The following COL15A1 variants were observed in gnomAD, a reference collection of about 807,000 sequenced individuals.
The protein encoded by COL15A1 is collagen alpha-1(XV) chain.
COL15A1 carries 111 observed loss-of-function variants against 165.9 expected under a neutral mutation model. The observed-to-expected ratio is 0.67, with a 90% CI of 0.57 to 0.78. The LOEUF (loss-of-function observed/expected upper bound fraction) is 0.78, where lower values mean the gene tolerates loss of function less well. Among genes scored for constraint, COL15A1 ranks in the 30% least tolerant of loss-of-function variants. The pLI is 0.00. For missense variants in COL15A1, 1,745 were observed against 1,789.7 expected, an observed-to-expected ratio of 0.98 and a Z score of 0.45; for synonymous variants, 659 against 674.8, an observed-to-expected ratio of 0.98 and a Z score of 0.36.
chr9:99,023,265 A>T, intron 13 of COL15A1, 92 bp from the exon 14 acceptor site: 1 of 1,455,392 alleles, frequency 6.9e-7, no homozygotes, highest in South Asian at 1.4e-5. Flanking sequence ...GATATAGGAA[A>T]CATTTCCCCA....
chr9:99,048,096 G>A, intron 28 of COL15A1, 96 bp downstream of exon 28: 2 of 762,254 alleles, frequency 2.6e-6, no homozygotes, highest in Non-Finnish European at 4.7e-6. Context: ...GAATGTTCAG[G>A]AATGTTGTTC....
Position 99,035,497 on chromosome 9 carries a change from G to A in COL15A1, c.2289+79G>A, listed in dbSNP as rs575213115. 90 of 1,576,356 alleles carry A rather than the reference G, an allele frequency of 5.7e-5. 1 individual carries two copies. In the Middle Eastern group the frequency reaches 6.8e-3, roughly 120 times the overall value. On this transcript the variant is annotated intron_variant, in intron 19 of 41. Coordinates refer to ENST00000375001, the MANE Select transcript of COL15A1 (RefSeq NM_001855.5). ...GTGAGGAAGCTGTGGGCTGCATCCC[G>A]GCTCTGCCACTTTCAATAACTCACC...
intron 2 of COL15A1, among the ~76,000 whole-genome samples, chr9:98,970,543 A>G (rs1307399908): frequency 6.6e-6 from 1 of 152,236 alleles, no homozygotes; most frequent in Non-Finnish European, 1.5e-5. Flanking sequence ...ATCTGCCCCT[A>G]CAACACCCCA....
chr9:98,963,069 A>T (rs1837887913), intron 2 of COL15A1, among the ~76,000 whole-genome samples: 1 of 152,216 alleles, frequency 6.6e-6, no homozygotes, highest in Admixed American at 6.5e-5. Context: ...GTGGAATGTG[A>T]AGAATGCTGT....
At chr9:98,991,159 T>G (rs1285683944) in intron 5 of COL15A1, among the ~76,000 whole-genome samples, 1 of 152,206 alleles carries the variant, frequency 6.6e-6, no homozygotes, top group East Asian at 1.9e-4. Flanking sequence ...ACAGCGATAT[T>G]TATTGCAAAG....
In COL15A1 at chr9:99,013,974, GT is replaced by G. The variant is rs150143403; in HGVS notation, c.1354-1434del. On this transcript the variant is annotated intron_variant, in intron 9 of 41. Transcript: ENST00000375001. ...CAAGGATAGCAAACGTGCATGTTGT[GT>G]TTTTTTTTCCCCTCTCTTGCAGCTG... Among the ~76,000 whole-genome samples, 480 of 150,434 alleles carry G rather than the reference GT, an allele frequency of 3.2e-3. 4 individuals are homozygous for G. Among genetic ancestry groups the G allele is most frequent in the East Asian group, 0.028 (140 of 5,080 alleles).
chr9:99,044,769 T>A lies in COL15A1; in HGVS notation c.2678T>A (p.Met893Lys), dbSNP rs574466954. The change falls in exon 26 of 42, where the codon ATG becomes AAG. Residue 893 changes from methionine (M) to lysine (K), a missense_variant and splice_region_variant. Physicochemically the swap from Met to Lys is moderately conservative, Grantham distance 95 (BLOSUM62 -1). Transcript: ENST00000375001. ...GGAATGCATGGAGCCCCAGGACCAA[T>A]GGTAAGTCAGAGCGTCTCTCAGCTG... is the stretch of plus-strand genomic sequence containing the variant. ...EPGMHGAPGPMGPKGPPGHKG... is the reference protein window; with the variant it reads ...EPGMHGAPGPKGPKGPPGHKG... The A allele has an allele frequency of 4.3e-6, 7 of 1,613,326 alleles. No individual in the cohort carries two copies. In the African/African-American group the frequency reaches 8.0e-5, roughly 18 times the overall value.
In COL15A1 at chr9:98,950,196, T is replaced by C. The variant is rs185090502; in HGVS notation, c.100+5946T>C. On this transcript the variant is annotated intron_variant, in intron 2 of 41. Transcript: ENST00000375001. ...GCTTGACGGCCTGTTTCTACTTCTT[T>C]GCACCTAGGAGCAGAATTTCTGGTC... Among the ~76,000 whole-genome samples, 654 of 152,356 alleles carry C rather than the reference T, an allele frequency of 4.3e-3. 5 individuals are homozygous for C. Among genetic ancestry groups the C allele is most frequent in the Non-Finnish European group, 5.2e-3 (354 of 68,032 alleles).
intron 19 of COL15A1, among the ~76,000 whole-genome samples, chr9:99,035,878 C>T (rs537923760): frequency 7.2e-5 from 11 of 152,262 alleles, no homozygotes; most frequent in Admixed American, 1.3e-4. Flanking sequence ...AGGACCGATC[C>T]CCTGGATTTC....
intron 24 of COL15A1, among the ~76,000 whole-genome samples, chr9:99,043,794 G>A (rs993252585): frequency 6.6e-6 from 1 of 152,192 alleles, no homozygotes; most frequent in Non-Finnish European, 1.5e-5. Context: ...CTCAGAGTCA[G>A]ATAGAAGGTT....
At chr9:99,025,252 C>T (rs1023694683) in intron 15 of COL15A1, among the ~76,000 whole-genome samples, 2 of 152,194 alleles carry the variant, frequency 1.3e-5, no homozygotes, top group Admixed American at 6.5e-5. Context: ...CCCCTACTTA[C>T]GAATGGTTCA....
In COL15A1 at chr9:99,068,599, C is replaced by T. The variant is rs775072723; in HGVS notation, c.3882C>T (p.His1294=). The T allele has an allele frequency of 4.5e-6, 7 of 1,545,886 alleles. No individual in the cohort carries two copies. Among genetic ancestry groups the T allele is most frequent in the Non-Finnish European group, 6.1e-6 (7 of 1,156,482 alleles). ...ATTGGGACTCAATTTTTTCTGGCCA[C>T]GGAGGTCAGTTCAATATGCATATTC... ...FNNWDSIFSG[H]GGQFNMHIPI... The change falls in exon 41 of 42, where the codon CAC becomes CAT. Residue 1294 remains histidine, a synonymous_variant. Coordinates refer to ENST00000375001, the MANE Select transcript of COL15A1 (RefSeq NM_001855.5).
chr9:98,949,369 C>G (rs2118748114), intron 2 of COL15A1, among the ~76,000 whole-genome samples: 1 of 152,326 alleles, frequency 6.6e-6, no homozygotes, highest in East Asian at 1.9e-4. Flanking sequence ...TCTCAGTGCA[C>G]ATGTGCATGA....
intron 16 of COL15A1, among the ~76,000 whole-genome samples, chr9:99,032,417 T>C (rs1839224506): frequency 6.6e-6 from 1 of 152,242 alleles, no homozygotes; most frequent in South Asian, 2.1e-4. Flanking sequence ...CTCAAACTCC[T>C]GACCTTGTGA....
intron 37 of COL15A1, 66 bp downstream of exon 37, chr9:99,062,165 A>G: frequency 6.2e-7 from 1 of 1,602,584 alleles, no homozygotes; most frequent in Non-Finnish European, 8.5e-7. Context: ...ATCTACTCCC[A>G]TAAATGCCAT....
At position 98,965,477 on chromosome 9, in the gene COL15A1, G is replaced by A. The variant is rs190294243; in HGVS notation, c.101-20088G>A. On this transcript the variant is annotated intron_variant, in intron 2 of 41. Coordinates refer to ENST00000375001, the MANE Select transcript of COL15A1 (RefSeq NM_001855.5). ...AGGTTAGGTGAGCTAATGCACCTAA[G>A]TGCTGAGCTCAGGGTTGGCCTGTTG... Among the ~76,000 whole-genome samples, 73 of 152,320 alleles carry A rather than the reference G, an allele frequency of 4.8e-4. No homozygotes were observed. In the East Asian group the frequency reaches 0.013, roughly 28 times the overall value.
At chr9:98,944,104 C>T (rs1563999758) in intron 1 of COL15A1, 32 bp downstream of exon 1, 2 of 1,614,112 alleles carry the variant, frequency 1.2e-6, no homozygotes, top group Non-Finnish European at 1.7e-6. Context: ...CCTCGCGTCC[C>T]GGGCCCCTCC....
intron 16 of COL15A1, among the ~76,000 whole-genome samples, chr9:99,033,946 C>T (rs566916467): frequency 1.3e-5 from 2 of 152,244 alleles, no homozygotes; most frequent in East Asian, 1.9e-4. Flanking sequence ...TCACAGCCGA[C>T]TCCTTTCTGT....
At chr9:99,054,465 T>C in intron 31 of COL15A1, 111 bp from the exon 32 acceptor site, 1 of 1,185,012 alleles carries the variant, frequency 8.4e-7, no homozygotes, top group Non-Finnish European at 1.2e-6. Context: ...AGGGCTTTGT[T>C]TGAGTGGACT....
Sources: allele counts gnomAD v4.1 joint callset (sites outside exome capture counted in the v4.1 genomes callset), GRCh38; gene constraint gnomAD v4.1.1; transcripts MANE v1.5; gene names NCBI Gene and HGNC (gene_info 2026-07-23, HGNC 2026-07-21).